CYTL1: variants seen among roughly 807,000 people sequenced by gnomAD.
The protein encoded by CYTL1 is cytokine like 1.
Under a neutral mutation model 13.1 loss-of-function variants are expected in CYTL1, and 17 were observed. That is an observed-to-expected ratio of 1.29 (90% confidence interval 0.89 to 1.94). The LOEUF is 1.94. Ranked by LOEUF, CYTL1 falls within the 30% of genes most tolerant of loss-of-function variation. CYTL1 has a pLI of 0.00. For missense variants in CYTL1, 213 were observed against 174.8 expected (o/e 1.22, Z -1.23); for synonymous variants, 91 against 79.4 (o/e 1.15, Z -0.78).
rs372580641 is a variant in CYTL1 at position 5,017,091 on chromosome 4, T to A, written c.198+44A>T. On this transcript the variant is annotated intron_variant, in intron 2 of 3. Coordinates refer to ENST00000307746, the MANE Select transcript of CYTL1 (RefSeq NM_018659.3). Reference sequence around the variant, plus strand: ...CCAGCAGCAGAGGTTCAGACCTGAGTCCCTCAGCCCAAGACCTCCCTCCCC... The same window carrying A: ...CCAGCAGCAGAGGTTCAGACCTGAGACCCTCAGCCCAAGACCTCCCTCCCC... The A allele has an allele frequency of 2.5e-5, 41 of 1,608,836 alleles. No individual in the cohort carries two copies. In the African/African-American group the frequency reaches 5.2e-4, roughly 20 times the overall value.
At chr4:5,017,406 A>G (rs899832364) in intron 1 of CYTL1, among the ~76,000 whole-genome samples, 4 of 152,188 alleles carry the variant, frequency 2.6e-5, no homozygotes, top group African/African-American at 9.6e-5. Context: ...ATCATTTGCT[A>G]TGAACCAGGG....
Position 5,014,961 on chromosome 4 carries a change from T to C in CYTL1, c.*190A>G. The C allele has an allele frequency of 1.7e-6, 1 of 606,052 alleles. No homozygotes were observed. The highest frequency in any genetic ancestry group is 2.9e-5 in the Admixed American group (1 of 34,138). The allele number at this position is 606,052 out of a possible 1,614,324, so 37.5% of individuals were successfully genotyped here. ...GAGTCAAGGGAATGAGAAGCATGGT[T>C]GCTAACTCTATGCTCAAAGGAGGTT... On this transcript the variant is annotated 3_prime_UTR_variant, in exon 4 of 4. Transcript: ENST00000307746.
rs932997757 is a variant in CYTL1, at chr4:5,016,763, C to A, written c.327+73G>T. 12 of 1,575,846 alleles carry A rather than the reference C, an allele frequency of 7.6e-6. No homozygotes were observed. In the East Asian group the frequency reaches 2.0e-4, roughly 26 times the overall value. Reference sequence around the variant, plus strand: ...TCCTTGTCACCATCTCCTCCCAACTCTCCTCTTTGAAAAGCTCAGAAAGTC... The same window carrying A: ...TCCTTGTCACCATCTCCTCCCAACTATCCTCTTTGAAAAGCTCAGAAAGTC... On this transcript the variant is annotated intron_variant, in intron 3 of 3. Coordinates refer to ENST00000307746, the MANE Select transcript of CYTL1 (RefSeq NM_018659.3).
chr4:5,016,955 C>T lies in CYTL1; in HGVS notation c.208G>A (p.Val70Met), dbSNP rs1165418470. 24 of 1,614,084 alleles carry T rather than the reference C, an allele frequency of 1.5e-5. No individual in the cohort carries two copies. The highest frequency in any genetic ancestry group is 1.7e-5 in the Non-Finnish European group (20 of 1,180,046). Residue 70 changes from valine (V) to methionine (M), a missense_variant, in exon 3 of 4, where the codon GTG becomes ATG. Transcript: ENST00000307746. Reference protein sequence around the residue: ...RLYLDIHNYCVLDKLRDFVAS... With the variant: ...RLYLDIHNYCMLDKLRDFVAS... Reference sequence around the variant, plus strand: ...ACAAAGTCCCGCAGCTTGTCCAGCACACAGTAATTCTGGGAGTGGGCAATG... The same window carrying T: ...ACAAAGTCCCGCAGCTTGTCCAGCATACAGTAATTCTGGGAGTGGGCAATG...
At chr4:5,018,867 C>T (rs1466508269) in intron 1 of CYTL1, among the ~76,000 whole-genome samples, 2 of 152,218 alleles carry the variant, frequency 1.3e-5, no homozygotes, top group Non-Finnish European at 2.9e-5. Context: ...GAGGCCAGTT[C>T]TGTGAGCCAC....
intron 1 of CYTL1, among the ~76,000 whole-genome samples, chr4:5,018,734 C>T (rs1389599910): frequency 6.6e-6 from 1 of 152,174 alleles, no homozygotes; most frequent in Non-Finnish European, 1.5e-5. Flanking sequence ...GTGTTCACAC[C>T]TGCCTTTGAT....
rs759488077 is a variant in CYTL1, at chr4:5,018,203, C to CAG, written c.154-1025_154-1024insCT. Among the ~76,000 whole-genome samples, 155 of 151,510 alleles carry CAG rather than the reference C, an allele frequency of 1.0e-3. 2 individuals carry two copies. Among genetic ancestry groups the CAG allele is most frequent in the African/African-American group, 3.5e-3 (145 of 41,296 alleles). On this transcript the variant is annotated intron_variant, in intron 1 of 3. Coordinates refer to ENST00000307746, the MANE Select transcript of CYTL1 (RefSeq NM_018659.3). ...TGCTGTTTGACCCAAATTTTGTTTA[C>CAG]ACACACACACACACACAACACACAC...
At chr4:5,019,176 T>C (rs1345477011) in intron 1 of CYTL1, 117 bp downstream of exon 1, 1 of 955,282 alleles carries the variant, frequency 1.0e-6, no homozygotes, top group Non-Finnish European at 1.4e-6. Context: ...GATTTACATT[T>C]ACTAGAAAAG....
chr4:5,015,199 C>T lies in CYTL1; in HGVS notation c.363G>A (p.Leu121=). 6.2e-7 allele frequency: 1 copy of T among 1,613,868 alleles called. No individual in the cohort carries two copies. The highest frequency in any genetic ancestry group is 8.5e-7 in the Non-Finnish European group (1 of 1,179,918). The stretch of plus-strand genomic sequence containing the variant: ...CCGTAGTCACTGGGATTGGGTATTC[C>T]AAGGCATTGCAGTCATCCAACAGGA... ...LVFLLDDCNA[L]EYPIPVTTVL... Residue 121 remains leucine, a synonymous_variant, in exon 4 of 4, where the codon TTG becomes TTA. Transcript: ENST00000307746.
chr4:5,016,071 G>T (rs1478266529), intron 3 of CYTL1, among the ~76,000 whole-genome samples: 1 of 152,174 alleles, frequency 6.6e-6, no homozygotes, highest in Non-Finnish European at 1.5e-5. Context: ...ATTAATGAGG[G>T]CTCTGCCCTT....
intron 3 of CYTL1, among the ~76,000 whole-genome samples, chr4:5,015,938 G>A (rs1741062532): frequency 6.6e-6 from 1 of 152,180 alleles, no homozygotes; most frequent in African/African-American, 2.4e-5. Context: ...TGAGGAAACT[G>A]TGCCTCAGAG....
chr4:5,017,054 T>C, intron 2 of CYTL1, 81 bp downstream of exon 2: 1 of 1,606,894 alleles, frequency 6.2e-7, no homozygotes, highest in Non-Finnish European at 8.5e-7. Flanking sequence ...TCCCTGACTC[T>C]GTGCCACACA....
Position 5,017,182 on chromosome 4 carries a change from G to A in CYTL1, c.154-3C>T. On this transcript the variant is annotated splice_polypyrimidine_tract_variant and splice_region_variant and intron_variant, in intron 1 of 3. Coordinates refer to ENST00000307746, the MANE Select transcript of CYTL1 (RefSeq NM_018659.3). ...GGCAGGTATCTCACACATGGCTCCT[G>A]TGGAAAGGGATAAGGGGTTCTGGGA... is the stretch of plus-strand genomic sequence containing the variant. 2 of 1,613,894 alleles carry A rather than the reference G, an allele frequency of 1.2e-6. No individual in the cohort carries two copies. Among genetic ancestry groups the A allele is most frequent in the Non-Finnish European group, 1.7e-6 (2 of 1,179,854 alleles).
chr4:5,016,890 G>A lies in CYTL1; in HGVS notation c.273C>T (p.Ser91=), dbSNP rs1162690715. 2 of 1,614,108 alleles carry A rather than the reference G, an allele frequency of 1.2e-6. No individual in the cohort carries two copies. The highest frequency in any genetic ancestry group is 1.3e-5 in the African/African-American group (1 of 74,932). The change falls in exon 3 of 4, where the codon TCC becomes TCT. Residue 91 remains serine (S), a synonymous_variant. Transcript: ENST00000307746. ...PPCWKVAQVD[S]LKDKARKLYT... ...ACAGCTTCCGTGCTTTGTCCTTCAA[G>A]GAATCTACCTGGGCCACTTTCCAAC...
chr4:5,016,384 G>A (rs1218073608), intron 3 of CYTL1, among the ~76,000 whole-genome samples: 1 of 152,216 alleles, frequency 6.6e-6, no homozygotes, highest in African/African-American at 2.4e-5. Flanking sequence ...GGGAGATACA[G>A]ACCCAAGCTC....
intron 3 of CYTL1, among the ~76,000 whole-genome samples, 189 bp downstream of exon 3, chr4:5,016,647 C>G (rs1416249735): frequency 6.6e-6 from 1 of 152,124 alleles, no homozygotes. Context: ...GACAAAGGGC[C>G]TTGTCCTGAA....
rs1741093466 is a variant in CYTL1, at chr4:5,017,183, T to A, written c.154-4A>T. ...GCAGGTATCTCACACATGGCTCCTG[T>A]GGAAAGGGATAAGGGGTTCTGGGAT... On this transcript the variant is annotated splice_polypyrimidine_tract_variant and splice_region_variant and intron_variant, in intron 1 of 3. Coordinates refer to ENST00000307746, the MANE Select transcript of CYTL1 (RefSeq NM_018659.3). 1.2e-6 allele frequency: 2 copies of A among 1,613,732 alleles called. No individual in the cohort carries two copies. Among genetic ancestry groups the A allele is most frequent in the Non-Finnish European group, 1.7e-6 (2 of 1,179,772 alleles).
chr4:5,019,389 G>C lies in CYTL1; in HGVS notation c.57C>G (p.Ala19=). ...VLLLLLAGAP[A]ARPTPPTCYS... ...AGCAGGTCGGGGGAGTGGGCCGCGC[G>C]GCGGGGGCTCCCGCCAGGAGCAGCA... Residue 19 remains alanine (A), a synonymous_variant, in exon 1 of 4, where the codon GCC becomes GCG. Coordinates refer to ENST00000307746, the MANE Select transcript of CYTL1 (RefSeq NM_018659.3). 6.7e-7 allele frequency: 1 copy of C among 1,497,764 alleles called. No individual in the cohort carries two copies. Among genetic ancestry groups the C allele is most frequent in the South Asian group, 1.3e-5 (1 of 76,222 alleles). 92.8% of individuals were successfully genotyped at this position (1,497,764 alleles called of 1,614,324 possible).
intron 3 of CYTL1, among the ~76,000 whole-genome samples, chr4:5,016,376 G>T (rs1200984811): frequency 1.3e-5 from 2 of 152,218 alleles, no homozygotes; most frequent in Non-Finnish European, 2.9e-5. Flanking sequence ...GGGAAGCAGG[G>T]AGATACAGAC....
Sources: gnomAD v4.1 joint callset for allele counts (sites outside exome capture counted in the v4.1 genomes callset) on GRCh38, gnomAD v4.1.1 for gene constraint, MANE v1.5 for transcripts, NCBI Gene and HGNC (gene_info 2026-07-23, HGNC 2026-07-21) for gene names.